Variants in STK36 observed in about 807,000 individuals in gnomAD.
STK36 encodes serine/threonine kinase 36.
In STK36, 116 loss-of-function variants were observed where a neutral mutation model predicts 142.2. That is an observed-to-expected ratio of 0.82 (90% CI 0.70 to 0.95). The LOEUF (loss-of-function observed/expected upper bound fraction) is 0.95, where lower values mean the gene tolerates loss of function less well. STK36 is among the 40% of genes least tolerant of loss of function. The pLI is 0.00. For synonymous variants in STK36, 619 were observed against 641.7 expected, an observed-to-expected ratio of 0.96 and a Z score of 0.53; for missense variants, 1,422 against 1,617.2, an observed-to-expected ratio of 0.88 and a Z score of 2.07.
chr2:218,688,623 G>A, intron 11 of STK36, 74 bp from the exon 12 acceptor site: 1 of 1,507,784 alleles, frequency 6.6e-7, no homozygotes, highest in Non-Finnish European at 9.0e-7. Context: ...CCTTGGGGAT[G>A]CTTGGTATGT....
chr2:218,697,301 T>A, intron 23 of STK36, 88 bp downstream of exon 23: 1 of 1,532,886 alleles, frequency 6.5e-7, no homozygotes, highest in South Asian at 1.3e-5. Context: ...CACAGAGGTT[T>A]ATTTTTTTTG....
intron 21 of STK36, among the ~76,000 whole-genome samples, chr2:218,695,933 G>A (rs1255173875): frequency 4.2e-5 from 6 of 144,526 alleles, no homozygotes; most frequent in African/African-American, 7.9e-5. Context: ...GCGTGATCTC[G>A]GCTCACTGCA....
chr2:218,689,793 T>C, intron 12 of STK36, 66 bp from the exon 13 acceptor site: 1 of 1,459,394 alleles, frequency 6.9e-7, no homozygotes, highest in South Asian at 1.2e-5. Context: ...CCCTTTCTAC[T>C]GTTTTTTCTA....
At chr2:218,696,650 G>A in intron 22 of STK36, 49 bp downstream of exon 22, 1 of 1,582,086 alleles carries the variant, frequency 6.3e-7, no homozygotes, top group South Asian at 1.1e-5. Flanking sequence ...GAGGAACTGG[G>A]CATTTTGGGG....
intron 3 of STK36, 23 bp downstream of exon 3, chr2:218,673,788 C>T (rs1940100592): frequency 3.1e-6 from 5 of 1,613,194 alleles, no homozygotes; most frequent in Admixed American, 3.3e-5. Flanking sequence ...AGTTTTGGGC[C>T]CTGTCTCCCC....
rs572327392 is a variant in STK36, at chr2:218,691,314, T to C, written c.1764+759T>C. 2.0e-5 allele frequency among the ~76,000 whole-genome samples: 3 copies of C among 152,312 alleles called. No homozygotes were observed. In the East Asian group the frequency reaches 5.8e-4, roughly 29 times the overall value. ...ATAGATCTGGACTACTACTTGCCTT[T>C]AGCTAGCATTCACTCAGACTTTCCT... On this transcript the variant is annotated intron_variant, in intron 14 of 26. Coordinates refer to ENST00000295709, the MANE Select transcript of STK36 (RefSeq NM_015690.5).
chr2:218,693,635 G>C, intron 17 of STK36, 88 bp from the exon 18 acceptor site: 2 of 1,247,304 alleles, frequency 1.6e-6, no homozygotes, highest in Non-Finnish European at 2.3e-6. Context: ...GATCTTTTGA[G>C]GGGCTGGCCG....
Position 218,679,725 on chromosome 2 carries a change from A to G in STK36, c.944A>G (p.Gln315Arg). Residue 315 changes from glutamine to arginine, a missense_variant, in exon 8 of 27, where the codon CAG becomes CGG. Physicochemically the swap from Gln to Arg is conservative, Grantham distance 43. Coordinates refer to ENST00000295709, the MANE Select transcript of STK36 (RefSeq NM_015690.5). The stretch of plus-strand genomic sequence containing the variant: ...AAACGCATGGCTGAGGAGGCCATGC[A>G]GAAGGTGTGTGGGGCAGAGGAAAAT... ...AYKRMAEEAM[Q>R]KKHQNTGPAL... is the part of the protein sequence containing the mutation. The G allele has an allele frequency of 2.5e-6, 4 of 1,614,248 alleles. No individual in the cohort carries two copies. The highest frequency in any genetic ancestry group is 2.2e-5 in the East Asian group (1 of 44,890).
At chr2:218,699,899 C>T (rs1280427881) in intron 26 of STK36, among the ~76,000 whole-genome samples, 1 of 151,172 alleles carries the variant, frequency 6.6e-6, no homozygotes, top group East Asian at 1.9e-4. Context: ...CTACTTTATC[C>T]TTCCTCTTCT....
rs1046733836 is a variant in STK36, at chr2:218,680,593, C to T, written c.1137-10C>T. 3.7e-6 allele frequency: 6 copies of T among 1,609,908 alleles called. No individual in the cohort carries two copies. In the African/African-American group the frequency reaches 6.7e-5, roughly 18 times the overall value. On this transcript the variant is annotated splice_polypyrimidine_tract_variant and intron_variant, in intron 9 of 26. Coordinates refer to ENST00000295709, the MANE Select transcript of STK36 (RefSeq NM_015690.5). Reference sequence around the variant, plus strand: ...TGGAACCCGTTCTACCCCTTGGCTTCCTCCGGCAGGGAAAACCGGACCACC... The same window carrying T: ...TGGAACCCGTTCTACCCCTTGGCTTTCTCCGGCAGGGAAAACCGGACCACC...
chr2:218,702,382 G>A lies in STK36; in HGVS notation c.*373G>A, dbSNP rs1190284427. On this transcript the variant is annotated 3_prime_UTR_variant, in exon 27 of 27. Coordinates refer to ENST00000295709, the MANE Select transcript of STK36 (RefSeq NM_015690.5). Reference sequence around the variant, plus strand: ...CCTTTAATCTTCCCAGCAGGTTTTTGCCTTAGACGTGCTGGCCCCAGGACA... The same window carrying A: ...CCTTTAATCTTCCCAGCAGGTTTTTACCTTAGACGTGCTGGCCCCAGGACA... 5.8e-6 allele frequency: 1 copy of A among 172,232 alleles called. No homozygotes were observed. The highest frequency in any genetic ancestry group is 1.2e-5 in the Non-Finnish European group (1 of 81,336). 10.7% of individuals were successfully genotyped at this position (172,232 alleles called of 1,614,324 possible). A position where few individuals can be genotyped will look rare whatever the true frequency, so the allele number is the denominator to read the frequency against.
intron 5 of STK36, 130 bp from the exon 6 acceptor site, chr2:218,675,899 T>C (rs1432956798): frequency 5.9e-6 from 7 of 1,189,896 alleles, no homozygotes; most frequent in Non-Finnish European, 7.2e-6. Context: ...CTGGGACTGC[T>C]GCTGGGTCTT....
rs772828240 is a variant in STK36 at position 218,679,721 on chromosome 2, A to G, written c.940A>G (p.Met314Val). 4 of 1,614,248 alleles carry G rather than the reference A, an allele frequency of 2.5e-6. No individual in the cohort carries two copies. The highest frequency in any genetic ancestry group is 4.5e-5 in the East Asian group (2 of 44,890). ...CTATAAACGCATGGCTGAGGAGGCCATGCAGAAGGTGTGTGGGGCAGAGGA... is the reference window on the plus strand; with the variant it reads ...CTATAAACGCATGGCTGAGGAGGCCGTGCAGAAGGTGTGTGGGGCAGAGGA... ...QAYKRMAEEA[M>V]QKKHQNTGPA... is the part of the protein sequence containing the mutation. The change falls in exon 8 of 27, where the codon ATG becomes GTG. Residue 314 changes from methionine (M) to valine (V), a missense_variant. Physicochemically the swap from Met to Val is conservative, Grantham distance 21. Transcript: ENST00000295709.
chr2:218,685,323 C>A, intron 11 of STK36, 95 bp downstream of exon 11: 2 of 1,511,046 alleles, frequency 1.3e-6, no homozygotes, highest in Non-Finnish European at 9.0e-7. Flanking sequence ...GAAAGTTTGT[C>A]CTTTTCCAGT....
intron 11 of STK36, 93 bp downstream of exon 11, chr2:218,685,321 G>A: frequency 6.6e-7 from 1 of 1,519,118 alleles, no homozygotes; most frequent in Admixed American, 1.9e-5. Context: ...GAGAAAGTTT[G>A]TCCTTTTCCA....
intron 5 of STK36, 99 bp downstream of exon 5, chr2:218,675,572 T>C: frequency 7.2e-7 from 1 of 1,394,492 alleles, no homozygotes; most frequent in South Asian, 1.4e-5. Flanking sequence ...TTACCCAGGC[T>C]GAAGTGCAAT....
chr2:218,698,432 T>A (rs1202037756), intron 25 of STK36, among the ~76,000 whole-genome samples, 170 bp from the exon 26 acceptor site: 1 of 152,144 alleles, frequency 6.6e-6, no homozygotes, highest in Non-Finnish European at 1.5e-5. Context: ...AAGAACCTGC[T>A]CTCTCAGGCT....
rs745861424 is a variant in STK36 at position 218,673,657 on chromosome 2, G to T, written c.117G>T (p.Gly39=). The part of the protein sequence containing the change: ...VVALKFIPKL[G]RSEKELRNLQ... ...CCCTGAAGTTCATCCCAAAATTGGGGCGCTCAGAGAAGGAGCTGAGGAATT... is the reference window on the plus strand; with the variant it reads ...CCCTGAAGTTCATCCCAAAATTGGGTCGCTCAGAGAAGGAGCTGAGGAATT... Residue 39 remains glycine (G), a synonymous_variant, in exon 3 of 27, where the codon GGG becomes GGT. Transcript: ENST00000295709. The T allele has an allele frequency of 3.1e-6, 5 of 1,614,048 alleles. No homozygotes were observed. In the African/African-American group the frequency reaches 6.7e-5, roughly 22 times the overall value.
chr2:218,682,874 G>C (rs1384044361), intron 10 of STK36, among the ~76,000 whole-genome samples: 1 of 152,140 alleles, frequency 6.6e-6, no homozygotes, highest in Non-Finnish European at 1.5e-5. Flanking sequence ...ATTACAGTGA[G>C]CCACTGTGCC....
Sources: allele counts gnomAD v4.1 joint callset (sites outside exome capture counted in the v4.1 genomes callset), GRCh38; gene constraint gnomAD v4.1.1; transcripts MANE v1.5; gene names NCBI Gene and HGNC (gene_info 2026-07-23, HGNC 2026-07-21).